COL21A1: variants seen among roughly 807,000 people sequenced by gnomAD.
The protein encoded by COL21A1 is collagen type XXI alpha 1 chain.
In COL21A1, 149 loss-of-function variants were observed where a neutral mutation model predicts 137.9. That is an observed-to-expected ratio of 1.08 (90% CI 0.95 to 1.24). COL21A1 has a LOEUF of 1.24. Ranked by LOEUF, COL21A1 falls within the 50% of genes most tolerant of loss-of-function variation. The probability of loss-of-function intolerance (pLI) is 0.00; values close to 1 mark genes in which losing one functional copy is unlikely to be tolerated. For synonymous variants in COL21A1, 456 were observed against 391.5 expected, an observed-to-expected ratio of 1.16 and a Z score of -1.95; for missense variants, 1,167 against 1,158.4, an observed-to-expected ratio of 1.01 and a Z score of -0.11.
chr6:56,327,614 A>G (rs1765126584), intron 1 of COL21A1, among the ~76,000 whole-genome samples: 1 of 152,040 alleles, frequency 6.6e-6, no homozygotes, highest in Admixed American at 6.6e-5. Flanking sequence ...CCAAGGCAAG[A>G]CAGTAGTCTG....
At chr6:56,121,512 G>GTATATTCATATA (rs1561886801) in intron 16 of COL21A1, among the ~76,000 whole-genome samples, 5 of 121,034 alleles carry the variant, frequency 4.1e-5, no homozygotes, top group African/African-American at 1.5e-4. Flanking sequence ...ATTCATATGT[G>GTATATTCATATA]TATATATATA....
intron 22 of COL21A1, among the ~76,000 whole-genome samples, 163 bp from the exon 23 acceptor site, chr6:56,067,493 C>T (rs887017798): frequency 6.6e-6 from 1 of 151,708 alleles, no homozygotes; most frequent in Admixed American, 6.6e-5. Flanking sequence ...GGGAAGGGAG[C>T]AGAACCACAT....
chr6:56,276,656 C>A, intron 1 of COL21A1: 1 of 1,446,012 alleles, frequency 6.9e-7, no homozygotes, highest in East Asian at 2.3e-5. Context: ...ACACGTGTCA[C>A]TTTCAAAAGT....
chr6:56,279,099 C>T (rs542016607), intron 1 of COL21A1, among the ~76,000 whole-genome samples: 2 of 152,222 alleles, frequency 1.3e-5, no homozygotes, highest in East Asian at 1.9e-4. Flanking sequence ...AATGGTTTAG[C>T]ACCATCCTCT....
intron 1 of COL21A1, among the ~76,000 whole-genome samples, chr6:56,325,194 G>C (rs1157943428): frequency 3.0e-5 from 4 of 134,018 alleles, no homozygotes; most frequent in South Asian, 2.4e-4. Context: ...TTGTTAGTCT[G>C]TCTTTTGTTA....
intron 17 of COL21A1, among the ~76,000 whole-genome samples, chr6:56,100,867 A>G (rs746570193): frequency 2.6e-5 from 4 of 152,186 alleles, no homozygotes; most frequent in Non-Finnish European, 5.9e-5. Context: ...CTCAGCTATT[A>G]CTTCAGTTCT....
At chr6:56,304,214 C>G (rs1365922022) in intron 1 of COL21A1, among the ~76,000 whole-genome samples, 1 of 151,832 alleles carries the variant, frequency 6.6e-6, no homozygotes, top group Non-Finnish European at 1.5e-5. Context: ...GTGTCTCTGC[C>G]CAGCTTTGGT....
At chr6:56,342,739 A>G (rs917892261) in intron 1 of COL21A1, among the ~76,000 whole-genome samples, 9 of 152,358 alleles carry the variant, frequency 5.9e-5, no homozygotes, top group African/African-American at 2.2e-4. Flanking sequence ...AAGGAAATGA[A>G]GGCATGGATG....
intron 1 of COL21A1, among the ~76,000 whole-genome samples, chr6:56,372,872 T>C (rs1020054505): frequency 6.6e-6 from 1 of 152,254 alleles, no homozygotes; most frequent in African/African-American, 2.4e-5. Context: ...GGGAATTTCC[T>C]GCCTCATAAC....
At position 56,170,142 on chromosome 6, in the gene COL21A1, C is replaced by T. The variant is rs374050191; in HGVS notation, c.1026+507G>A. 1.5e-4 allele frequency among the ~76,000 whole-genome samples: 23 copies of T among 151,832 alleles called. 2 individuals carry two copies. Among genetic ancestry groups the T allele is most frequent in the African/African-American group, 5.5e-4 (23 of 41,464 alleles). ...CCATTAGGGTAAATAAAATGTCCTC[C>T]TAAATTAAGGTAAATTTCATACCTA... is the stretch of plus-strand genomic sequence containing the variant. On this transcript the variant is annotated intron_variant, in intron 5 of 29. Transcript: ENST00000244728.
rs201224962 is a variant in COL21A1, at chr6:56,260,625, G to GAGGA, written c.-38-77973_-38-77970dup. Among the ~76,000 whole-genome samples the GAGGA allele has an allele frequency of 1.8e-3, 143 of 79,962 alleles. 1 individual carries two copies. Among genetic ancestry groups the GAGGA allele is most frequent in the African/African-American group, 6.5e-3 (133 of 20,410 alleles). 52.5% of individuals were successfully genotyped at this position (79,962 alleles called of 152,430 possible). ...GAAGAAGAAGAAAGAAAGAGAGAGAGAGGAAGGAAGGAAGGAAGGAAGGAA... is the reference window on the plus strand; with the variant it reads ...GAAGAAGAAGAAAGAAAGAGAGAGAGAGGAAGGAAGGAAGGAAGGAAGGAAGGAA... On this transcript the variant is annotated intron_variant, in intron 1 of 28. Transcript: ENST00000370819.
intron 1 of COL21A1, among the ~76,000 whole-genome samples, chr6:56,274,046 C>T (rs1197740703): frequency 6.6e-5 from 10 of 152,090 alleles, no homozygotes; most frequent in Admixed American, 6.5e-4. Flanking sequence ...AACAAGTAGG[C>T]TTTATTCTTG....
At chr6:56,173,304 G>C (rs1042020114) in intron 3 of COL21A1, among the ~76,000 whole-genome samples, 8 of 151,970 alleles carry the variant, frequency 5.3e-5, no homozygotes, top group African/African-American at 1.9e-4. Flanking sequence ...ACTGAGTCTG[G>C]GAGGTTGAAG....
chr6:56,191,104 G>A (rs758681287), intron 1 of COL21A1, among the ~76,000 whole-genome samples: 1 of 152,120 alleles, frequency 6.6e-6, no homozygotes, highest in Admixed American at 6.5e-5. Flanking sequence ...CTTCTGGCCA[G>A]GGCAATCAGG....
intron 1 of COL21A1, among the ~76,000 whole-genome samples, chr6:56,200,936 C>T (rs1157809952): frequency 6.6e-6 from 1 of 152,198 alleles, no homozygotes; most frequent in East Asian, 1.9e-4. Flanking sequence ...TAAAAGTGTT[C>T]CTATTTCTCC....
intron 12 of COL21A1, among the ~76,000 whole-genome samples, chr6:56,128,180 G>A (rs566529606): frequency 4.6e-4 from 70 of 152,196 alleles, no homozygotes; most frequent in Admixed American, 2.4e-3. Context: ...GCTTGTTTTT[G>A]GTTAAGCTCA....
intron 1 of COL21A1, among the ~76,000 whole-genome samples, chr6:56,197,273 G>C (rs1779082175): frequency 6.6e-6 from 1 of 151,870 alleles, no homozygotes; most frequent in Non-Finnish European, 1.5e-5. Flanking sequence ...AAAACACAGG[G>C]GAAAAGCTTA....
chr6:56,364,878 G>T (rs13218268), intron 1 of COL21A1, among the ~76,000 whole-genome samples: 31,995 of 151,976 alleles, frequency 0.21, 3,961 homozygotes, highest in Middle Eastern at 0.33. Flanking sequence ...ATACAAGAAG[G>T]ATTATATGAG....
At chr6:56,356,960 C>T (rs1765847718) in intron 1 of COL21A1, among the ~76,000 whole-genome samples, 1 of 152,020 alleles carries the variant, frequency 6.6e-6, no homozygotes, top group Admixed American at 6.6e-5. Flanking sequence ...TTTACACATT[C>T]TTCAGTATTC....
Sources: gnomAD v4.1 joint callset for allele counts (sites outside exome capture counted in the v4.1 genomes callset) on GRCh38, gnomAD v4.1.1 for gene constraint, MANE v1.5 for transcripts, NCBI Gene and HGNC (gene_info 2026-07-23, HGNC 2026-07-21) for gene names.